The following DGLUCY variants were observed in gnomAD, a reference collection of about 807,000 sequenced individuals.
DGLUCY encodes D-glutamate cyclase, also known as D-glutamate cyclase, mitochondrial.
DGLUCY carries 58 observed loss-of-function variants against 58.5 expected under a neutral mutation model. The observed-to-expected ratio is 0.99, with a 90% CI of 0.80 to 1.23. The LOEUF (loss-of-function observed/expected upper bound fraction) is 1.23. Among genes scored for constraint, DGLUCY ranks in the 50% most tolerant of loss-of-function variants. The probability of loss-of-function intolerance (pLI) is 0.00; values close to 1 mark genes in which losing one functional copy is unlikely to be tolerated. For synonymous variants in DGLUCY, 325 were observed against 314.1 expected, an observed-to-expected ratio of 1.03 and a Z score of -0.37; for missense variants, 779 against 784.7, an observed-to-expected ratio of 0.99 and a Z score of 0.09.
intron 11 of DGLUCY, among the ~76,000 whole-genome samples, chr14:91,200,927 G>A (rs1213500391): frequency 6.6e-6 from 1 of 151,924 alleles, no homozygotes; most frequent in African/African-American, 2.4e-5. Context: ...TTGCGGGCAG[G>A]GGGTGGATCT....
At chr14:91,153,090 C>G (rs1185173434) in intron 1 of DGLUCY, among the ~76,000 whole-genome samples, 2 of 152,166 alleles carry the variant, frequency 1.3e-5, no homozygotes, top group African/African-American at 4.8e-5. Context: ...TTCTGAATCA[C>G]AAAGTTTCTC....
intron 11 of DGLUCY, 129 bp from the exon 12 acceptor site, chr14:91,204,577 C>A: frequency 7.8e-7 from 1 of 1,285,828 alleles, no homozygotes. Context: ...TCCTGGTTGT[C>A]TGAAAATATA....
intron 1 of DGLUCY, among the ~76,000 whole-genome samples, chr14:91,089,686 T>TG (rs2044277678): frequency 6.6e-6 from 1 of 151,894 alleles, no homozygotes; most frequent in African/African-American, 2.4e-5. Flanking sequence ...CCAGGCATAG[T>TG]GGCGCATGCC....
chr14:91,139,993 A>G (rs2046560410), intron 1 of DGLUCY, among the ~76,000 whole-genome samples: 2 of 152,282 alleles, frequency 1.3e-5, no homozygotes, highest in Admixed American at 6.5e-5. Context: ...ATAGTAAGTC[A>G]GCACTCTCTG....
chr14:91,172,625 A>T (rs769905974), intron 5 of DGLUCY, among the ~76,000 whole-genome samples: 2 of 151,732 alleles, frequency 1.3e-5, no homozygotes, highest in African/African-American at 4.8e-5. Context: ...CTGAGGAAGC[A>T]TGCATATTGT....
intron 6 of DGLUCY, among the ~76,000 whole-genome samples, chr14:91,174,326 G>A (rs962312700): frequency 6.6e-6 from 1 of 152,034 alleles, no homozygotes; most frequent in African/African-American, 2.4e-5. Context: ...TTATTTTTGA[G>A]ACACAGTTTC....
chr14:91,071,355 A>C (rs115101181), intron 1 of DGLUCY, among the ~76,000 whole-genome samples: 2,634 of 150,162 alleles, frequency 0.018, 63 homozygotes, highest in African/African-American at 0.063. Flanking sequence ...AAAAAAAAGA[A>C]GTCTAAAGGC....
chr14:91,212,685 G>A (rs1885873354), intron 12 of DGLUCY, among the ~76,000 whole-genome samples: 1 of 151,690 alleles, frequency 6.6e-6, no homozygotes, highest in African/African-American at 2.4e-5. Flanking sequence ...CTGGGTGACA[G>A]AGTGAGACCC....
intron 7 of DGLUCY, among the ~76,000 whole-genome samples, chr14:91,179,828 A>G (rs1009282586): frequency 6.8e-6 from 1 of 147,752 alleles, no homozygotes; most frequent in East Asian, 2.0e-4. Flanking sequence ...TTTGCTGAAC[A>G]CTTTCTTAAA....
At chr14:91,110,434 T>C (rs868449036), upstream of DGLUCY, among the ~76,000 whole-genome samples, 58 of 132,862 alleles carry the variant, frequency 4.4e-4, no homozygotes, top group African/African-American at 1.2e-3. Context: ...TTCTTTCTTT[T>C]TTTTTTTTTT....
At chr14:91,187,875 C>T (rs565903121) in intron 8 of DGLUCY, among the ~76,000 whole-genome samples, 3 of 152,282 alleles carry the variant, frequency 2.0e-5, no homozygotes, top group South Asian at 2.1e-4. Context: ...TCCCCATCTT[C>T]TCACTTGCAT....
chr14:91,217,578 A>G (rs1307575228), intron 13 of DGLUCY, among the ~76,000 whole-genome samples: 1 of 147,684 alleles, frequency 6.8e-6, no homozygotes, highest in African/African-American at 2.5e-5. Flanking sequence ...TCCACCCCCC[A>G]AGTTCAAGCA....
upstream of DGLUCY, among the ~76,000 whole-genome samples, chr14:91,112,268 G>A (rs1039399078): frequency 2.0e-5 from 3 of 151,422 alleles, no homozygotes; most frequent in African/African-American, 7.3e-5. Flanking sequence ...AAAAAAAAGA[G>A]TTTAACATAA....
At chr14:91,111,041 G>A (rs1475128136), upstream of DGLUCY, among the ~76,000 whole-genome samples, 1 of 151,998 alleles carries the variant, frequency 6.6e-6, no homozygotes, top group East Asian at 1.9e-4. Flanking sequence ...TAACGTTTTT[G>A]TCTCAGTCTG....
At chr14:91,198,432 C>T (rs1367808433) in intron 10 of DGLUCY, among the ~76,000 whole-genome samples, 2 of 151,160 alleles carry the variant, frequency 1.3e-5, no homozygotes, top group African/African-American at 4.9e-5. Flanking sequence ...GCAACCTCTG[C>T]CTCCTGGGCC....
chr14:91,168,560 C>T (rs1343951020), intron 4 of DGLUCY, among the ~76,000 whole-genome samples: 1 of 152,208 alleles, frequency 6.6e-6, no homozygotes, highest in African/African-American at 2.4e-5. Context: ...GAGCCCATCC[C>T]CCAGTGGGCT....
intron 1 of DGLUCY, among the ~76,000 whole-genome samples, chr14:91,087,015 G>T (rs1206317347): frequency 6.6e-6 from 1 of 152,192 alleles, no homozygotes; most frequent in East Asian, 1.9e-4. Flanking sequence ...TGACCGCAGG[G>T]TCCAAATCAG....
chr14:91,173,044 G>A (rs963222170), intron 5 of DGLUCY, among the ~76,000 whole-genome samples: 2 of 152,132 alleles, frequency 1.3e-5, no homozygotes, highest in Non-Finnish European at 2.9e-5. Context: ...ACTTTGACCA[G>A]GGGTCCACAG....
rs200494277 is a variant in DGLUCY, at chr14:91,224,743, C to A, written c.1776C>A (p.Ile592=). 5 of 1,613,496 alleles carry A rather than the reference C, an allele frequency of 3.1e-6. No individual in the cohort carries two copies. The Admixed American group carries it at 8.3e-5, about 27-fold the overall frequency. ...AAGTCCGGAGTGGCGTCTCGGGCAT[C>A]GTGGGCATGGAGGTGGATGGGCTGC... ...QHKVRSGVSG[I]VGMEVDGLPF... Residue 592 remains isoleucine (I), a synonymous_variant, in exon 14 of 14, where the codon ATC becomes ATA. Transcript: ENST00000256324.
Sources: gnomAD v4.1 joint callset for allele counts (sites outside exome capture counted in the v4.1 genomes callset) on GRCh38, gnomAD v4.1.1 for gene constraint, MANE v1.5 for transcripts, NCBI Gene and HGNC (gene_info 2026-07-23, HGNC 2026-07-21) for gene names.